The following NRIP1 variants were observed in gnomAD, a reference collection of about 807,000 sequenced individuals.
The protein encoded by NRIP1 is nuclear receptor-interacting protein 1.
In NRIP1, 28 loss-of-function variants were observed where a neutral mutation model predicts 75.0. The ratio of observed to expected loss-of-function variants is 0.37; its 90% CI spans 0.28 to 0.51. The LOEUF (loss-of-function observed/expected upper bound fraction) is 0.51, where lower values mean the gene tolerates loss of function less well. Ranked by LOEUF, NRIP1 falls within the 20% of genes least tolerant of loss-of-function variation. The pLI, the probability that NRIP1 is intolerant of heterozygous loss-of-function variation, is 0.92. For synonymous variants in NRIP1, 526 were observed against 487.6 expected (o/e 1.08, Z -1.04); for missense variants, 1,435 against 1,343.7 (o/e 1.07, Z -1.06).
chr21:15,017,013 G>T (rs2088250464), intron 2 of NRIP1, among the ~76,000 whole-genome samples: 1 of 146,098 alleles, frequency 6.8e-6, no homozygotes, highest in African/African-American at 2.8e-5. Flanking sequence ...AAAGAATGAA[G>T]GAAGGAAGGA....
intron 3 of NRIP1, among the ~76,000 whole-genome samples, chr21:14,994,972 T>C (rs1452984005): frequency 3.3e-5 from 5 of 152,228 alleles, no homozygotes; most frequent in Non-Finnish European, 7.3e-5. Context: ...TTATCAGTAC[T>C]ACAAAATAAA....
chr21:14,964,575 T>A lies in NRIP1; in HGVS notation c.*141A>T. On this transcript the variant is annotated 3_prime_UTR_variant, in exon 4 of 4. Transcript: ENST00000318948. ...AAAAATTAGTATGCATATTTCAACA[T>A]CACCAGTAACCAATACTTTTCAAAA... The A allele has an allele frequency of 1.5e-6, 1 of 662,170 alleles. No individual in the cohort carries two copies. The highest frequency in any genetic ancestry group is 2.8e-5 in the South Asian group (1 of 35,424). The allele number at this position is 662,170 out of a possible 1,614,324, so 41.0% of individuals were successfully genotyped here. A position where few individuals can be genotyped will look rare whatever the true frequency, so the allele number is the denominator to read the frequency against.
At chr21:15,008,105 G>A (rs999829890) in intron 3 of NRIP1, among the ~76,000 whole-genome samples, 10 of 148,172 alleles carry the variant, frequency 6.7e-5, no homozygotes, top group African/African-American at 1.7e-4. Flanking sequence ...TGACTGTCCC[G>A]CTGAGACCTC....
At chr21:15,061,553 T>A (rs1284496498) in intron 1 of NRIP1, among the ~76,000 whole-genome samples, 1 of 152,162 alleles carries the variant, frequency 6.6e-6, no homozygotes, top group East Asian at 1.9e-4. Flanking sequence ...ACTAATTGTA[T>A]CAAGCAATCT....
intron 2 of NRIP1, 46 bp from the exon 3 acceptor site, chr21:15,014,512 T>C: frequency 5.0e-6 from 2 of 398,322 alleles, no homozygotes; most frequent in Non-Finnish European, 8.9e-6. Flanking sequence ...CCAAACCAGA[T>C]TCTGGAATAC....
intron 2 of NRIP1, among the ~76,000 whole-genome samples, chr21:15,027,942 TA>T (rs1029835285): frequency 2.6e-5 from 4 of 151,860 alleles, no homozygotes; most frequent in Non-Finnish European, 5.9e-5. Context: ...TACTTCCATC[TA>T]AAAAAAATAC....
At chr21:15,043,597 G>T (rs1335629621) in intron 1 of NRIP1, 23 bp from the exon 2 acceptor site, 1 of 152,046 alleles carries the variant, frequency 6.6e-6, no homozygotes, top group African/African-American at 2.4e-5. Context: ...AGAAATAAGT[G>T]TTACTTCAAG....
rs539597490 is a variant in NRIP1 at position 14,984,364 on chromosome 21, C to T, written c.-334-15838G>A. Among the ~76,000 whole-genome samples the T allele has an allele frequency of 2.9e-4, 40 of 138,072 alleles. 1 individual carries two copies. Among genetic ancestry groups the T allele is most frequent in the African/African-American group, 7.3e-4 (27 of 37,202 alleles). 90.6% of individuals were successfully genotyped at this position (138,072 alleles called of 152,430 possible). A position where few individuals can be genotyped will look rare whatever the true frequency, so the allele number is the denominator to read the frequency against. ...AACATAAATGAATGAGGAGTTGTTG[C>T]GGGTTTTTTTTTTTTTTTCAACTCC... On this transcript the variant is annotated intron_variant, in intron 3 of 3. Coordinates refer to ENST00000318948, the MANE Select transcript of NRIP1 (RefSeq NM_003489.4).
chr21:15,062,765 T>TA (rs1162897209), intron 1 of NRIP1, among the ~76,000 whole-genome samples: 2 of 152,178 alleles, frequency 1.3e-5, no homozygotes, highest in Non-Finnish European at 2.9e-5. Context: ...TAGGTGGTGG[T>TA]ATAGGTTATT....
At chr21:14,988,874 T>A (rs1233170885) in intron 3 of NRIP1, among the ~76,000 whole-genome samples, 1 of 151,986 alleles carries the variant, frequency 6.6e-6, no homozygotes, top group East Asian at 1.9e-4. Context: ...GAGTCAGTAT[T>A]CTGAGAGAAA....
At chr21:15,030,694 G>C (rs570013213) in intron 2 of NRIP1, among the ~76,000 whole-genome samples, 74 of 152,330 alleles carry the variant, frequency 4.9e-4, no homozygotes, top group African/African-American at 1.5e-3. Context: ...CACTCAGAGG[G>C]AGGAAAACAT....
At chr21:15,016,723 A>C (rs2088239021) in intron 2 of NRIP1, among the ~76,000 whole-genome samples, 1 of 152,012 alleles carries the variant, frequency 6.6e-6, no homozygotes. Flanking sequence ...TTTCTACTAA[A>C]AATATAAAAA....
Position 14,966,722 on chromosome 21 carries a change from T to C in NRIP1, c.1471A>G (p.Lys491Glu). 1 of 1,614,072 alleles carries C rather than the reference T, an allele frequency of 6.2e-7. No homozygotes were observed. The highest frequency in any genetic ancestry group is 8.5e-7 in the Non-Finnish European group (1 of 1,179,988). ...GTTACTTTCTGGTGTGAGTTTAGCT[T>C]AGAATTCTTTGAGGTATCTTGATCT... ...KEDQDTSKNS[K>E]LNSHQKVTLL... The change falls in exon 4 of 4, where the codon AAG becomes GAG. Residue 491 changes from lysine to glutamate, a missense_variant. Physicochemically the swap from Lys to Glu is moderately conservative, Grantham distance 56 (BLOSUM62 1). Transcript: ENST00000318948.
At chr21:15,010,565 A>T (rs999809146) in intron 3 of NRIP1, among the ~76,000 whole-genome samples, 3 of 152,204 alleles carry the variant, frequency 2.0e-5, no homozygotes, top group Non-Finnish European at 2.9e-5. Flanking sequence ...ATACCAAATT[A>T]AAAAAATGTT....
chr21:15,056,213 C>A (rs1464107595), intron 1 of NRIP1, among the ~76,000 whole-genome samples: 1 of 151,474 alleles, frequency 6.6e-6, no homozygotes, highest in Non-Finnish European at 1.5e-5. Context: ...TTATCAAATT[C>A]TCTTCCAACC....
At chr21:14,970,148 A>G (rs958899215) in intron 3 of NRIP1, among the ~76,000 whole-genome samples, 4 of 152,158 alleles carry the variant, frequency 2.6e-5, no homozygotes, top group Non-Finnish European at 5.9e-5. Context: ...ATGTTGCTTA[A>G]TTGGAGGCTT....
At chr21:15,046,623 T>C (rs996344161) in intron 1 of NRIP1, among the ~76,000 whole-genome samples, 1 of 152,212 alleles carries the variant, frequency 6.6e-6, no homozygotes, top group Non-Finnish European at 1.5e-5. Context: ...AGTTTGTCCT[T>C]TGAGGTTCTG....
chr21:15,029,325 T>G (rs1316658583), intron 2 of NRIP1, among the ~76,000 whole-genome samples: 7 of 152,034 alleles, frequency 4.6e-5, no homozygotes, highest in Admixed American at 4.6e-4. Context: ...GAACTTCGAC[T>G]GGAATACTCT....
intron 3 of NRIP1, among the ~76,000 whole-genome samples, chr21:14,993,410 A>G (rs896381919): frequency 6.6e-6 from 1 of 152,210 alleles, no homozygotes; most frequent in African/African-American, 2.4e-5. Flanking sequence ...ATCTTCATTT[A>G]TACAAATATC....
Sources: allele counts gnomAD v4.1 joint callset (sites outside exome capture counted in the v4.1 genomes callset), GRCh38; gene constraint gnomAD v4.1.1; transcripts MANE v1.5; gene names NCBI Gene and HGNC (gene_info 2026-07-23, HGNC 2026-07-21).